TMEM200A: variants seen among roughly 807,000 people sequenced by gnomAD.
The protein encoded by TMEM200A is two transmembrane C.
A neutral mutation model predicts 24.3 loss-of-function variants in TMEM200A; 12 were observed. That is an observed-to-expected ratio of 0.49 (90% CI 0.32 to 0.80). TMEM200A has a LOEUF of 0.80. Among genes scored for constraint, TMEM200A ranks in the 30% least tolerant of loss-of-function variants. The probability of loss-of-function intolerance (pLI) is 0.04; values close to 1 mark genes in which losing one functional copy is unlikely to be tolerated. For synonymous variants in TMEM200A, 224 were observed against 224.4 expected (o/e 1.00, Z 0.02); for missense variants, 545 against 614.4 (o/e 0.89, Z 1.19).
In TMEM200A at chr6:130,374,540, C is replaced by T. The variant is rs151120639; in HGVS notation, c.-81+8016C>T. Among the ~76,000 whole-genome samples, 1,228 of 152,028 alleles carry T rather than the reference C, an allele frequency of 8.1e-3. 20 individuals carry two copies. Among genetic ancestry groups the T allele is most frequent in the African/African-American group, 0.028 (1,169 of 41,484 alleles). ...AAGCGATTTTCCTCCCTCAACCTCCCGAGTAGCTGGGATTACAGGGGCACA... is the reference window on the plus strand; with the variant it reads ...AAGCGATTTTCCTCCCTCAACCTCCTGAGTAGCTGGGATTACAGGGGCACA... On this transcript the variant is annotated intron_variant, in intron 1 of 2. Coordinates refer to ENST00000296978, the MANE Select transcript of TMEM200A (RefSeq NM_001258277.2).
Position 130,440,941 on chromosome 6 carries a change from A to C in TMEM200A, c.519A>C (p.Leu173=). Residue 173 remains leucine, a synonymous_variant, in exon 3 of 3, where the codon CTA becomes CTC. Coordinates refer to ENST00000296978, the MANE Select transcript of TMEM200A (RefSeq NM_001258277.2). The part of the protein sequence containing the change: ...IYSTVIDIHT[L]RIKEQRQMNG... ...CCACAGTCATTGACATTCACACGCTAAGAATCAAGGAGCAAAGGCAAATGA... is the reference window on the plus strand; with the variant it reads ...CCACAGTCATTGACATTCACACGCTCAGAATCAAGGAGCAAAGGCAAATGA... The C allele has an allele frequency of 6.2e-7, 1 of 1,614,094 alleles. No homozygotes were observed. Among genetic ancestry groups the C allele is most frequent in the East Asian group, 2.2e-5 (1 of 44,820 alleles).
At chr6:130,410,787 G>A (rs1287633823) in intron 2 of TMEM200A, among the ~76,000 whole-genome samples, 3 of 152,202 alleles carry the variant, frequency 2.0e-5, no homozygotes, top group African/African-American at 7.2e-5. Flanking sequence ...TTAAGAATAA[G>A]TTGTCAGTGT....
In TMEM200A at chr6:130,440,767, C is replaced by A; in HGVS notation, c.345C>A (p.Phe115Leu). Reference sequence around the variant, plus strand: ...ATGAAGGCGGTGTGGTGGTTCGCTTCTTTGAGCAGCATTTGCATTCTGATA... The same window carrying A: ...ATGAAGGCGGTGTGGTGGTTCGCTTATTTGAGCAGCATTTGCATTCTGATA... The part of the protein sequence containing the change: ...IRNEGGVVVR[F>L]FEQHLHSDKM... Residue 115 changes from phenylalanine (F) to leucine (L), a missense_variant, in exon 3 of 3, where the codon TTC becomes TTA. Phe to Leu is a conservative substitution (Grantham distance 22). Transcript: ENST00000296978. 6.2e-7 allele frequency: 1 copy of A among 1,613,988 alleles called. No homozygotes were observed. The highest frequency in any genetic ancestry group is 8.5e-7 in the Non-Finnish European group (1 of 1,179,972).
intron 2 of TMEM200A, among the ~76,000 whole-genome samples, chr6:130,425,040 C>T (rs760244987): frequency 2.6e-5 from 4 of 152,032 alleles, no homozygotes; most frequent in Non-Finnish European, 4.4e-5. Context: ...TTTTTCTGAC[C>T]GTTCTCTGTG....
intron 1 of TMEM200A, among the ~76,000 whole-genome samples, chr6:130,381,280 A>G (rs1778589461): frequency 6.6e-6 from 1 of 152,178 alleles, no homozygotes; most frequent in African/African-American, 2.4e-5. Context: ...TCAGTTATGG[A>G]TGACCTTCAT....
At chr6:130,409,854 A>G (rs2115155911) in intron 2 of TMEM200A, among the ~76,000 whole-genome samples, 1 of 150,336 alleles carries the variant, frequency 6.7e-6, no homozygotes, top group Admixed American at 6.6e-5. Flanking sequence ...TTTTTTTTTA[A>G]TGAAAACTCA....
chr6:130,367,284 A>G (rs1180024651), intron 1 of TMEM200A, among the ~76,000 whole-genome samples: 1 of 152,238 alleles, frequency 6.6e-6, no homozygotes, highest in Admixed American at 6.5e-5. Context: ...TTTAAAAACT[A>G]AATATGTTGG....
chr6:130,421,262 C>T (rs778033359), intron 2 of TMEM200A: 11 of 151,968 alleles, frequency 7.2e-5, no homozygotes, highest in African/African-American at 1.7e-4. Flanking sequence ...GTTGCTGGCC[C>T]GAGGATTGTA....
In TMEM200A at chr6:130,412,545, C is replaced by T. The variant is rs78691702; in HGVS notation, c.-17+27309C>T. 3.0e-3 allele frequency among the ~76,000 whole-genome samples: 457 copies of T among 152,266 alleles called. 5 individuals are homozygous for T. Among genetic ancestry groups the T allele is most frequent in the African/African-American group, 0.011 (443 of 41,532 alleles). On this transcript the variant is annotated intron_variant, in intron 2 of 2. Coordinates refer to ENST00000296978, the MANE Select transcript of TMEM200A (RefSeq NM_001258277.2). ...CTGAAACTCTGTGCCTAGACACCCCCACTCCCCTTCCTGTGGAGACACCCT... is the reference window on the plus strand; with the variant it reads ...CTGAAACTCTGTGCCTAGACACCCCTACTCCCCTTCCTGTGGAGACACCCT...
At chr6:130,365,908 A>C, upstream of TMEM200A, 1 of 985,384 alleles carries the variant, frequency 1.0e-6, no homozygotes, top group Non-Finnish European at 1.2e-6. Context: ...CGAGATTGGC[A>C]CGGTCCGGGG....
chr6:130,411,083 T>A (rs2115159018), intron 2 of TMEM200A, among the ~76,000 whole-genome samples: 1 of 152,046 alleles, frequency 6.6e-6, no homozygotes, highest in East Asian at 1.9e-4. Context: ...GCAGGGGAAT[T>A]GCTTGAACCT....
At chr6:130,387,247 T>A (rs1778731332) in intron 2 of TMEM200A, among the ~76,000 whole-genome samples, 1 of 152,166 alleles carries the variant, frequency 6.6e-6, no homozygotes, top group South Asian at 2.1e-4. Context: ...TGTAGCAGAA[T>A]GGATATTTTT....
chr6:130,421,730 T>C (rs1181402282), intron 2 of TMEM200A, among the ~76,000 whole-genome samples: 1 of 152,150 alleles, frequency 6.6e-6, no homozygotes, highest in Non-Finnish European at 1.5e-5. Context: ...ACCATTCTAC[T>C]CTCTGCTTCT....
At position 130,442,040 on chromosome 6, in the gene TMEM200A, A is replaced by C; in HGVS notation, c.*142A>C. On this transcript the variant is annotated 3_prime_UTR_variant, in exon 3 of 3. Coordinates refer to ENST00000296978, the MANE Select transcript of TMEM200A (RefSeq NM_001258277.2). Reference sequence around the variant, plus strand: ...GAATTGGCTGCTTAGTTCTGTAATGAAGATGGTTGTATGTTTGGGTTACTT... The same window carrying C: ...GAATTGGCTGCTTAGTTCTGTAATGCAGATGGTTGTATGTTTGGGTTACTT... 1.3e-6 allele frequency: 1 copy of C among 789,188 alleles called. No individual in the cohort carries two copies. Among genetic ancestry groups the C allele is most frequent in the Non-Finnish European group, 2.0e-6 (1 of 509,188 alleles). The allele number at this position is 789,188 out of a possible 1,614,324, so 48.9% of individuals were successfully genotyped here.
chr6:130,398,762 T>A (rs78501234), intron 2 of TMEM200A, among the ~76,000 whole-genome samples: 2,996 of 152,182 alleles, frequency 0.02, 94 homozygotes, highest in African/African-American at 0.069. Context: ...TTCATGTATA[T>A]ATTTGTTGAC....
intron 1 of TMEM200A, among the ~76,000 whole-genome samples, chr6:130,367,969 G>A (rs1211952114): frequency 1.3e-5 from 2 of 152,188 alleles, no homozygotes; most frequent in Non-Finnish European, 2.9e-5. Context: ...GTAAATTCCA[G>A]GCAGTTAGCA....
intron 2 of TMEM200A, among the ~76,000 whole-genome samples, chr6:130,421,743 G>A (rs1779597200): frequency 6.6e-6 from 1 of 152,032 alleles, no homozygotes; most frequent in Middle Eastern, 3.4e-3. Flanking sequence ...CTGCTTCTAT[G>A]AACTTGATGT....
At chr6:130,365,708 A>G (rs1778118873), upstream of TMEM200A, 2 of 985,430 alleles carry the variant, frequency 2.0e-6, no homozygotes, top group South Asian at 9.4e-5. Context: ...GCCCGGGAAG[A>G]GCGCCTGCAA....
intron 2 of TMEM200A, among the ~76,000 whole-genome samples, chr6:130,414,023 CTT>C (rs1387816901): frequency 6.6e-6 from 1 of 152,114 alleles, no homozygotes; most frequent in Non-Finnish European, 1.5e-5. Flanking sequence ...AGGAGAATCT[CTT>C]TGGCAATATG....
Sources: allele counts gnomAD v4.1 joint callset (sites outside exome capture counted in the v4.1 genomes callset), GRCh38; gene constraint gnomAD v4.1.1; transcripts MANE v1.5; gene names NCBI Gene and HGNC (gene_info 2026-07-23, HGNC 2026-07-21).